The following TANC1 variants were observed in gnomAD, a reference collection of about 807,000 sequenced individuals.
The protein encoded by TANC1 is tetratricopeptide repeat, ankyrin repeat and coiled-coil containing 1.
A neutral mutation model predicts 149.7 loss-of-function variants in TANC1; 77 were observed. That is an observed-to-expected ratio of 0.51 (90% confidence interval 0.43 to 0.62). TANC1 has a LOEUF of 0.62. Ranked by LOEUF, TANC1 falls within the 20% of genes least tolerant of loss-of-function variation. The pLI, the probability that TANC1 is intolerant of heterozygous loss-of-function variation, is 0.00. For missense variants in TANC1, 1,985 were observed against 2,321.8 expected (o/e 0.85, Z 2.98); for synonymous variants, 854 against 925.0 (o/e 0.92, Z 1.39).
intron 3 of TANC1, among the ~76,000 whole-genome samples, chr2:159,075,309 T>G (rs2043549103): frequency 6.6e-6 from 1 of 152,032 alleles, no homozygotes; most frequent in Non-Finnish European, 1.5e-5. Flanking sequence ...GGTTCATGCC[T>G]GTAATCCCAA....
At chr2:159,224,139 T>G (rs562560175) in intron 22 of TANC1, 93 bp from the exon 23 acceptor site, 62 of 1,452,964 alleles carry the variant, frequency 4.3e-5, no homozygotes, top group Non-Finnish European at 5.3e-5. Flanking sequence ...GCATCTAAAA[T>G]CAGAGTGAAG....
At chr2:159,119,311 ATTGTT>A (rs2048609846) in intron 4 of TANC1, among the ~76,000 whole-genome samples, 4 of 152,252 alleles carry the variant, frequency 2.6e-5, no homozygotes, top group Admixed American at 2.0e-4. Flanking sequence ...TGTTTAACCC[ATTGTT>A]TACACCCACT....
At chr2:159,078,974 AT>A (rs5835730) in intron 3 of TANC1, among the ~76,000 whole-genome samples, 105,765 of 151,798 alleles carry the variant, frequency 0.7, 37,045 homozygotes, top group Non-Finnish European at 0.73. Context: ...TTGTTTTTGT[AT>A]TTTTTTTAAA....
At chr2:159,017,580 G>C (rs1478116756) in intron 2 of TANC1, among the ~76,000 whole-genome samples, 1 of 152,036 alleles carries the variant, frequency 6.6e-6, no homozygotes. Context: ...TTGTGTGTGT[G>C]TCTCAGGTTA....
chr2:159,089,218 C>A (rs185878707), intron 3 of TANC1, among the ~76,000 whole-genome samples: 1 of 152,284 alleles, frequency 6.6e-6, no homozygotes, highest in African/African-American at 2.4e-5. Context: ...CCCCTTTTGT[C>A]ATCTTTAAAA....
chr2:159,112,916 A>G (rs2047895297), intron 4 of TANC1, among the ~76,000 whole-genome samples: 1 of 151,364 alleles, frequency 6.6e-6, no homozygotes, highest in Non-Finnish European at 1.5e-5. Context: ...AAGTTTAAGC[A>G]GATTTTTTTC....
intron 16 of TANC1, among the ~76,000 whole-genome samples, 192 bp from the exon 17 acceptor site, chr2:159,194,065 T>G (rs946807575): frequency 6.6e-6 from 1 of 152,200 alleles, no homozygotes; most frequent in African/African-American, 2.4e-5. Flanking sequence ...TGTTTCCCAG[T>G]AAGCTACACT....
At chr2:159,018,246 A>T (rs2038471157) in intron 2 of TANC1, among the ~76,000 whole-genome samples, 1 of 152,200 alleles carries the variant, frequency 6.6e-6, no homozygotes, top group Admixed American at 6.5e-5. Context: ...TATTTGCTAC[A>T]GATGCATTCC....
intron 2 of TANC1, among the ~76,000 whole-genome samples, chr2:159,062,973 C>CCAAAAAAAAAAAAAAAAA (rs770866772): frequency 7.3e-5 from 3 of 41,214 alleles, no homozygotes; most frequent in Non-Finnish European, 1.1e-4. Flanking sequence ...GACTCCGTCT[C>CCAAAAAAAAAAAAAAAAA]AAAAAAAAAA....
In TANC1 at chr2:159,181,668, C is replaced by G. The variant is rs376616148; in HGVS notation, c.2510+2505C>G. 3.5e-4 allele frequency among the ~76,000 whole-genome samples: 53 copies of G among 152,342 alleles called. 1 individual carries two copies. The highest frequency in any genetic ancestry group is 1.2e-3 in the African/African-American group (48 of 41,580). ...CAACCTGTCATGTCTTGGTGCCTTG[C>G]AGGTCTGGATTCAAATCTTCCATTG... On this transcript the variant is annotated intron_variant, in intron 14 of 26. Coordinates refer to ENST00000263635, the MANE Select transcript of TANC1 (RefSeq NM_033394.3).
intron 3 of TANC1, among the ~76,000 whole-genome samples, chr2:159,092,283 A>C (rs1412332078): frequency 6.6e-6 from 1 of 152,108 alleles, no homozygotes; most frequent in Non-Finnish European, 1.5e-5. Flanking sequence ...CCCTTCCTGA[A>C]ATATGCTTTT....
At chr2:159,039,040 T>C (rs1293755163) in intron 2 of TANC1, among the ~76,000 whole-genome samples, 1 of 152,226 alleles carries the variant, frequency 6.6e-6, no homozygotes, top group Non-Finnish European at 1.5e-5. Flanking sequence ...CTGTTATTGG[T>C]CTATTCAGGG....
intron 2 of TANC1, among the ~76,000 whole-genome samples, chr2:159,035,942 C>T (rs7608633): frequency 1.4e-4 from 22 of 152,296 alleles, no homozygotes; most frequent in African/African-American, 4.3e-4. Context: ...AGGGTGCACA[C>T]GCATCTGTGG....
intron 2 of TANC1, among the ~76,000 whole-genome samples, chr2:159,047,206 C>A (rs1293540765): frequency 6.8e-6 from 1 of 146,454 alleles, no homozygotes; most frequent in Non-Finnish European, 1.5e-5. Flanking sequence ...CCAGTTATTG[C>A]CTGCTTCCTG....
chr2:159,155,536 G>A (rs2053334611), intron 7 of TANC1, among the ~76,000 whole-genome samples: 1 of 152,186 alleles, frequency 6.6e-6, no homozygotes, highest in South Asian at 2.1e-4. Context: ...TCCCCAGCTG[G>A]GTGTGTCTGC....
chr2:159,097,284 C>G (rs1351055158), intron 3 of TANC1, among the ~76,000 whole-genome samples: 1 of 152,178 alleles, frequency 6.6e-6, no homozygotes, highest in Non-Finnish European at 1.5e-5. Context: ...TCATGTAAGG[C>G]TAGTAAGCCC....
chr2:159,072,662 T>A (rs530547393), intron 3 of TANC1, among the ~76,000 whole-genome samples: 1 of 152,268 alleles, frequency 6.6e-6, no homozygotes, highest in South Asian at 2.1e-4. Flanking sequence ...ATATACCTAA[T>A]GTTAAAGGAC....
chr2:159,212,659 C>T (rs1192027728), intron 19 of TANC1, among the ~76,000 whole-genome samples: 3 of 152,102 alleles, frequency 2.0e-5, no homozygotes, highest in Non-Finnish European at 2.9e-5. Context: ...TGGTGGTTCA[C>T]GCCTGTAATC....
At chr2:159,122,588 T>C (rs775083368) in intron 4 of TANC1, among the ~76,000 whole-genome samples, 9 of 152,160 alleles carry the variant, frequency 5.9e-5, no homozygotes, top group African/African-American at 7.2e-5. Context: ...GCTGCTCCTT[T>C]GTAGTCAACA....
Sources: allele counts gnomAD v4.1 joint callset (sites outside exome capture counted in the v4.1 genomes callset), GRCh38; gene constraint gnomAD v4.1.1; transcripts MANE v1.5; gene names NCBI Gene and HGNC (gene_info 2026-07-23, HGNC 2026-07-21).